The following EPHB1 variants were observed in gnomAD, a reference collection of about 807,000 sequenced individuals.
EPHB1 encodes EPH receptor B1.
A neutral mutation model predicts 94.4 loss-of-function variants in EPHB1; 30 were observed. The ratio of observed to expected loss-of-function variants is 0.32; its 90% confidence interval spans 0.24 to 0.43. The LOEUF is 0.43. Among genes scored for constraint, EPHB1 ranks in the 20% least tolerant of loss-of-function variants. The pLI, the probability that EPHB1 is intolerant of heterozygous loss-of-function variation, is 1.00. For missense variants in EPHB1, 1,055 were observed against 1,308.3 expected, an observed-to-expected ratio of 0.81 and a Z score of 2.99; for synonymous variants, 522 against 489.1, an observed-to-expected ratio of 1.07 and a Z score of -0.89.
At chr3:134,949,051 G>A (rs1004937213) in intron 2 of EPHB1, among the ~76,000 whole-genome samples, 4 of 152,176 alleles carry the variant, frequency 2.6e-5, no homozygotes, top group African/African-American at 9.7e-5. Flanking sequence ...AGGGAGAGAT[G>A]CTGGTGGGTC....
chr3:135,129,003 T>A (rs563096165), intron 4 of EPHB1, among the ~76,000 whole-genome samples: 9 of 152,224 alleles, frequency 5.9e-5, no homozygotes, highest in African/African-American at 1.9e-4. Context: ...GCCCTTAATG[T>A]CTGTTTCTGC....
intron 1 of EPHB1, among the ~76,000 whole-genome samples, chr3:134,916,634 C>T (rs527342575): frequency 2.2e-4 from 33 of 152,328 alleles, no homozygotes; most frequent in African/African-American, 5.5e-4. Context: ...GGGGCTGGCG[C>T]GGCCAGCCGG....
At chr3:134,923,370 C>T (rs1284422799) in intron 1 of EPHB1, among the ~76,000 whole-genome samples, 2 of 152,174 alleles carry the variant, frequency 1.3e-5, no homozygotes, top group Non-Finnish European at 2.9e-5. Context: ...TCTGTTGGCT[C>T]CTGTCCACAC....
intron 3 of EPHB1, among the ~76,000 whole-genome samples, chr3:135,079,436 T>A (rs1387418279): frequency 1.3e-5 from 2 of 152,184 alleles, no homozygotes; most frequent in Admixed American, 1.3e-4. Context: ...ATGGAGCCCA[T>A]GCCTCCATCC....
intron 3 of EPHB1, among the ~76,000 whole-genome samples, chr3:135,004,787 C>G (rs866577896): frequency 1.3e-5 from 2 of 151,804 alleles, no homozygotes; most frequent in Non-Finnish European, 2.9e-5. Context: ...ACGTAGTTCT[C>G]GAGCCTTGGT....
intron 4 of EPHB1, among the ~76,000 whole-genome samples, chr3:135,117,096 G>C (rs1351112958): frequency 1.3e-5 from 2 of 152,232 alleles, no homozygotes; most frequent in African/African-American, 4.8e-5. Flanking sequence ...TATCCACAAA[G>C]AGCAGAGGCT....
chr3:135,154,424 C>T lies in EPHB1; in HGVS notation c.1422+148C>T, dbSNP rs916823481. 5.4e-6 allele frequency: 6 copies of T among 1,121,402 alleles called. No homozygotes were observed. The African/African-American group carries it at 7.8e-5, about 15-fold the overall frequency. 69.5% of individuals were successfully genotyped at this position (1,121,402 alleles called of 1,614,324 possible). A position where few individuals can be genotyped will look rare whatever the true frequency, so the allele number is the denominator to read the frequency against. On this transcript the variant is annotated intron_variant, in intron 6 of 15. Coordinates refer to ENST00000398015, the MANE Select transcript of EPHB1 (RefSeq NM_004441.5). ...CCAGAAGGTCCCTGGGAGAGTTCTC[C>T]AGGTCTGCCCTGACAAAGCCTTGTT...
chr3:134,882,178 G>A (rs538510301), intron 1 of EPHB1, among the ~76,000 whole-genome samples: 4 of 152,302 alleles, frequency 2.6e-5, no homozygotes, highest in African/African-American at 9.6e-5. Flanking sequence ...ATAGCCAGGG[G>A]TGAATCAAGC....
intron 3 of EPHB1, among the ~76,000 whole-genome samples, chr3:135,063,283 G>T (rs1435276090): frequency 6.6e-6 from 1 of 152,138 alleles, no homozygotes; most frequent in Non-Finnish European, 1.5e-5. Context: ...TGGCAATATG[G>T]TCATTTTGAC....
intron 3 of EPHB1, among the ~76,000 whole-genome samples, chr3:134,993,138 G>A (rs1387603051): frequency 6.6e-6 from 1 of 152,202 alleles, no homozygotes; most frequent in Non-Finnish European, 1.5e-5. Context: ...CCCATTAAGA[G>A]GTTGCTAGTC....
At chr3:134,860,798 CAAAAA>C (rs10666494) in intron 1 of EPHB1, among the ~76,000 whole-genome samples, 10 of 93,724 alleles carry the variant, frequency 1.1e-4, no homozygotes, top group African/African-American at 3.1e-4. Context: ...GGCCAGGTGA[CAAAAA>C]AAAAAAAAAA....
intron 3 of EPHB1, among the ~76,000 whole-genome samples, chr3:134,975,289 G>T (rs1213353245): frequency 1.3e-5 from 2 of 152,198 alleles, no homozygotes; most frequent in African/African-American, 4.8e-5. Flanking sequence ...CCCTTTTGCA[G>T]GCCTGAGTTT....
At chr3:135,208,303 G>T (rs1054011527) in intron 12 of EPHB1, among the ~76,000 whole-genome samples, 5 of 142,220 alleles carry the variant, frequency 3.5e-5, no homozygotes, top group East Asian at 2.5e-4. Flanking sequence ...GTGTGTGTGT[G>T]TGTGTGTGTG....
intron 3 of EPHB1, among the ~76,000 whole-genome samples, chr3:135,052,420 A>G (rs1937194818): frequency 6.6e-6 from 1 of 152,108 alleles, no homozygotes; most frequent in African/African-American, 2.4e-5. Flanking sequence ...AAAAGGAAAC[A>G]ATGTTTGCTT....
In EPHB1 at chr3:135,132,874, C is replaced by T. The variant is rs16842647; in HGVS notation, c.1122C>T (p.Asp374=). The part of the protein sequence containing the change: ...RADRRSCSRC[D]DNVEFVPRQL... ...ACCGCCGGAGCTGCTCCCGCTGTGACGACAATGTGGAGTTTGTGCCCAGGC... is the reference window on the plus strand; with the variant it reads ...ACCGCCGGAGCTGCTCCCGCTGTGATGACAATGTGGAGTTTGTGCCCAGGC... Residue 374 remains aspartate (D), a synonymous_variant, in exon 5 of 16, where the codon GAC becomes GAT. Transcript: ENST00000398015. 8.0e-4 allele frequency: 1,292 copies of T among 1,614,026 alleles called. 13 individuals carry two copies. The African/African-American group carries it at 0.014, about 17-fold the overall frequency.
At chr3:134,800,944 C>T (rs2035923344) in intron 1 of EPHB1, among the ~76,000 whole-genome samples, 1 of 152,232 alleles carries the variant, frequency 6.6e-6, no homozygotes, top group South Asian at 2.1e-4. Flanking sequence ...TGGATTTGAA[C>T]CCAGGCAGTC....
chr3:134,994,986 T>TTTGTG (rs1553719351), intron 3 of EPHB1, among the ~76,000 whole-genome samples: 2 of 148,380 alleles, frequency 1.3e-5, no homozygotes, highest in Non-Finnish European at 3.0e-5. Flanking sequence ...TTACATACAC[T>TTTGTG]TGTGTGTGTG....
chr3:135,010,567 T>C (rs1270828451), intron 3 of EPHB1, among the ~76,000 whole-genome samples: 2 of 149,040 alleles, frequency 1.3e-5, no homozygotes, highest in African/African-American at 4.9e-5. Flanking sequence ...TGTTTTTTTT[T>C]TTTTTTTTTT....
At chr3:135,144,790 C>A (rs1270081567) in intron 5 of EPHB1, among the ~76,000 whole-genome samples, 1 of 152,138 alleles carries the variant, frequency 6.6e-6, no homozygotes, top group Non-Finnish European at 1.5e-5. Context: ...CCATTCACAT[C>A]TAAAATTCAG....
Sources: allele counts gnomAD v4.1 joint callset (sites outside exome capture counted in the v4.1 genomes callset), GRCh38; gene constraint gnomAD v4.1.1; transcripts MANE v1.5; gene names NCBI Gene and HGNC (gene_info 2026-07-23, HGNC 2026-07-21).